TTLL5: variants seen among roughly 807,000 people sequenced by gnomAD.
TTLL5 encodes tubulin polyglutamylase TTLL5.
A neutral mutation model predicts 168.4 loss-of-function variants in TTLL5; 132 were observed. The ratio of observed to expected loss-of-function variants is 0.78; its 90% CI spans 0.68 to 0.91. TTLL5 has a LOEUF of 0.91. TTLL5 is among the 40% of genes least tolerant of loss of function. The probability of loss-of-function intolerance (pLI) is 0.00; values close to 1 mark genes in which losing one functional copy is unlikely to be tolerated. For missense variants in TTLL5, 1,545 were observed against 1,581.5 expected (o/e 0.98, Z 0.39); for synonymous variants, 546 against 558.6 (o/e 0.98, Z 0.32).
intron 27 of TTLL5, among the ~76,000 whole-genome samples, chr14:75,796,696 T>TA (rs1023208019): frequency 2.0e-5 from 3 of 152,074 alleles, no homozygotes; most frequent in African/African-American, 7.2e-5. Context: ...TTCCCCAGGT[T>TA]ATGTTTTTTG....
intron 3 of TTLL5, among the ~76,000 whole-genome samples, chr14:75,680,460 G>A (rs1213520973): frequency 1.3e-5 from 2 of 152,090 alleles, no homozygotes; most frequent in Non-Finnish European, 2.9e-5. Flanking sequence ...CAGAAGCTAA[G>A]CAATGAATTC....
chr14:75,746,194 T>G (rs1889598597), intron 17 of TTLL5, among the ~76,000 whole-genome samples: 1 of 152,234 alleles, frequency 6.6e-6, no homozygotes, highest in Admixed American at 6.5e-5. Context: ...TGGACTCTTT[T>G]GTTCAGCGTA....
intron 28 of TTLL5, among the ~76,000 whole-genome samples, chr14:75,830,205 G>T (rs1895482148): frequency 6.6e-6 from 1 of 152,116 alleles, no homozygotes; most frequent in Non-Finnish European, 1.5e-5. Context: ...GAAGGAAAAG[G>T]ATCCAACACA....
At chr14:75,889,623 T>C (rs895230969) in intron 30 of TTLL5, among the ~76,000 whole-genome samples, 1 of 151,520 alleles carries the variant, frequency 6.6e-6, no homozygotes, top group Admixed American at 6.6e-5. Context: ...AGGTCAGGAG[T>C]TCTAGACCAA....
intron 28 of TTLL5, among the ~76,000 whole-genome samples, chr14:75,826,294 C>CGT (rs1895125393): frequency 7.3e-6 from 1 of 137,580 alleles, no homozygotes; most frequent in Admixed American, 7.6e-5. Flanking sequence ...TTAGGATACG[C>CGT]GTACACACAC....
At chr14:75,686,647 A>G (rs1341363640) in intron 5 of TTLL5, among the ~76,000 whole-genome samples, 1 of 152,236 alleles carries the variant, frequency 6.6e-6, no homozygotes, top group Non-Finnish European at 1.5e-5. Context: ...ATAACATCTC[A>G]GAAATTCTGA....
At chr14:75,910,697 A>C (rs2033341774) in intron 31 of TTLL5, among the ~76,000 whole-genome samples, 2 of 152,246 alleles carry the variant, frequency 1.3e-5, no homozygotes, top group African/African-American at 4.8e-5. Flanking sequence ...AGTTTGAACC[A>C]GGTCCCAAAA....
intron 28 of TTLL5, among the ~76,000 whole-genome samples, chr14:75,831,400 A>G (rs1462672757): frequency 1.3e-5 from 2 of 152,148 alleles, no homozygotes; most frequent in Non-Finnish European, 2.9e-5. Context: ...AGGCCAACTG[A>G]GAGGAAGGGG....
chr14:75,726,930 A>G (rs1888221972), intron 12 of TTLL5, among the ~76,000 whole-genome samples: 2 of 152,222 alleles, frequency 1.3e-5, no homozygotes, highest in East Asian at 1.9e-4. Flanking sequence ...TAAAGGGAAT[A>G]CAGTACAATA....
At position 75,757,792 on chromosome 14, in the gene TTLL5, T is replaced by A. The variant is rs756596706; in HGVS notation, c.1550+4837T>A. On this transcript the variant is annotated intron_variant, in intron 18 of 31. Transcript: ENST00000298832. ...GTGAACTTAAGAGAGACTACCTGAA[T>A]AGCATTCTCTAACCCGGTTGTCCTT... 24 of 1,564,184 alleles carry A rather than the reference T, an allele frequency of 1.5e-5. No homozygotes were observed. The South Asian group carries it at 2.7e-4, about 18-fold the overall frequency.
At position 75,775,522 on chromosome 14, in the gene TTLL5, C is replaced by A; in HGVS notation, c.2175C>A (p.Asn725Lys). 6.2e-7 allele frequency: 1 copy of A among 1,614,014 alleles called. No individual in the cohort carries two copies. Among genetic ancestry groups the A allele is most frequent in the South Asian group, 1.1e-5 (1 of 91,054 alleles). The change falls in exon 22 of 32, where the codon AAC becomes AAA. Residue 725 changes from asparagine to lysine, a missense_variant. Asn to Lys is a moderately conservative substitution (Grantham distance 94). Transcript: ENST00000298832. ...VVRFLKRASN[N>K]LQHSLRMVLP... The stretch of plus-strand genomic sequence containing the variant: ...GTTTCCTCAAGCGAGCATCAAATAA[C>A]CTCCAGCATTCACTGAGGATGGTAT...
intron 3 of TTLL5, among the ~76,000 whole-genome samples, chr14:75,675,391 G>A (rs1884060554): frequency 6.6e-6 from 1 of 152,050 alleles, no homozygotes; most frequent in Non-Finnish European, 1.5e-5. Context: ...GTACTTCTCT[G>A]TGTTGACAGT....
chr14:75,869,080 ATTGACTCCGGAACT>A, intron 29 of TTLL5, among the ~76,000 whole-genome samples: 1 of 146,030 alleles, frequency 6.8e-6, no homozygotes, highest in South Asian at 2.2e-4. Context: ...TCCAGAGCAT[ATTGACTCCGGAACT>A]TAATGTCATA....
chr14:75,795,976 A>G (rs1892975825), intron 27 of TTLL5, among the ~76,000 whole-genome samples: 1 of 152,132 alleles, frequency 6.6e-6, no homozygotes, highest in Non-Finnish European at 1.5e-5. Flanking sequence ...CAAATGGTAG[A>G]TCTACTTTTA....
intron 28 of TTLL5, among the ~76,000 whole-genome samples, chr14:75,849,508 C>T (rs958186353): frequency 5.3e-5 from 8 of 152,146 alleles, no homozygotes; most frequent in South Asian, 4.1e-4. Flanking sequence ...ATAAGTTAGA[C>T]GCCGAATATA....
chr14:75,920,926 A>G (rs559173766), intron 31 of TTLL5, among the ~76,000 whole-genome samples: 3 of 152,328 alleles, frequency 2.0e-5, no homozygotes, highest in East Asian at 3.9e-4. Flanking sequence ...TCTAATTGAC[A>G]TGAGATGGTA....
At chr14:75,813,517 G>A (rs1894196100) in intron 27 of TTLL5, among the ~76,000 whole-genome samples, 1 of 151,976 alleles carries the variant, frequency 6.6e-6, no homozygotes, top group South Asian at 2.1e-4. Flanking sequence ...TGCCCAGACT[G>A]GTCTCGAACT....
rs551587760 is a variant in TTLL5, at chr14:75,939,831, C to G, written c.3824-14593C>G. ...GGAATGAGGCTGAATTTTTATCAGA[C>G]TAGAAGCTATTCTAGAAGAGGCAAA... On this transcript the variant is annotated intron_variant, in intron 31 of 31. Coordinates refer to ENST00000298832, the MANE Select transcript of TTLL5 (RefSeq NM_015072.5). Among the ~76,000 whole-genome samples the G allele has an allele frequency of 6.6e-5, 10 of 152,264 alleles. No homozygotes were observed. The South Asian group carries it at 2.1e-3, about 32-fold the overall frequency.
intron 15 of TTLL5, chr14:75,737,545 C>T: frequency 6.5e-7 from 1 of 1,533,218 alleles, no homozygotes; most frequent in Non-Finnish European, 8.7e-7. Context: ...AGGGTTTATT[C>T]CATTTTTCTG....
Sources: gnomAD v4.1 joint callset for allele counts (sites outside exome capture counted in the v4.1 genomes callset) on GRCh38, gnomAD v4.1.1 for gene constraint, MANE v1.5 for transcripts, NCBI Gene and HGNC (gene_info 2026-07-23, HGNC 2026-07-21) for gene names.